RAD51B: variants seen among roughly 807,000 people sequenced by gnomAD.
The protein encoded by RAD51B is DNA repair protein RAD51 homolog 2.
In RAD51B, 38 loss-of-function variants were observed where a neutral mutation model predicts 42.2. The ratio of observed to expected loss-of-function variants is 0.90; its 90% confidence interval spans 0.70 to 1.18. The LOEUF (loss-of-function observed/expected upper bound fraction) is 1.18, where lower values mean the gene tolerates loss of function less well. Ranked by LOEUF, RAD51B falls within the 50% of genes most tolerant of loss-of-function variation. The pLI is 0.00. For missense variants in RAD51B, 373 were observed against 400.7 expected (o/e 0.93, Z 0.59); for synonymous variants, 154 against 145.2 (o/e 1.06, Z -0.43).
chr14:68,159,118 A>G (rs1595487860), intron 7 of RAD51B, among the ~76,000 whole-genome samples: 2 of 152,062 alleles, frequency 1.3e-5, no homozygotes, highest in East Asian at 1.9e-4. Context: ...GTAGCCCTTT[A>G]TGAGAATAGG....
chr14:68,297,848 G>A lies in RAD51B; in HGVS notation c.853+5868G>A, dbSNP rs114146007. 2.7e-3 allele frequency among the ~76,000 whole-genome samples: 409 copies of A among 152,296 alleles called. 2 individuals carry two copies. The highest frequency in any genetic ancestry group is 9.4e-3 in the African/African-American group (390 of 41,566). ...CACACAGTGAGAGCTGGTGTGCTGG[G>A]AACAGAAGTCAGAGCCCCTCCCGTG... is the stretch of plus-strand genomic sequence containing the variant. On this transcript the variant is annotated intron_variant, in intron 8 of 10. Transcript: ENST00000471583.
At chr14:68,388,010 TC>T (rs2083639044) in intron 8 of RAD51B, among the ~76,000 whole-genome samples, 1 of 151,838 alleles carries the variant, frequency 6.6e-6, no homozygotes, top group South Asian at 2.1e-4. Flanking sequence ...TCTATTTTTT[TC>T]ATGTGCCTAC....
At chr14:68,156,995 G>A (rs1414160727) in intron 7 of RAD51B, among the ~76,000 whole-genome samples, 3 of 152,046 alleles carry the variant, frequency 2.0e-5, no homozygotes, top group Non-Finnish European at 4.4e-5. Context: ...TCAGGAGTTC[G>A]AGACCAGCCT....
chr14:67,866,297 C>T (rs2042334939), intron 5 of RAD51B, among the ~76,000 whole-genome samples: 1 of 152,162 alleles, frequency 6.6e-6, no homozygotes, highest in Admixed American at 6.5e-5. Context: ...AACATTGAGA[C>T]TACTGGAAAT....
intron 7 of RAD51B, among the ~76,000 whole-genome samples, chr14:68,192,956 A>G (rs573179271): frequency 5.1e-4 from 77 of 152,336 alleles, no homozygotes; most frequent in African/African-American, 1.7e-3. Flanking sequence ...CTAAATTGCA[A>G]TGTAACACAA....
intron 7 of RAD51B, among the ~76,000 whole-genome samples, chr14:68,226,415 C>T (rs2140973693): frequency 6.6e-6 from 1 of 152,322 alleles, no homozygotes; most frequent in South Asian, 2.1e-4. Context: ...ACCCAAATCT[C>T]ACCTTGAATT....
At chr14:68,360,876 C>T (rs1229668300) in intron 8 of RAD51B, among the ~76,000 whole-genome samples, 1 of 152,190 alleles carries the variant, frequency 6.6e-6, no homozygotes, top group Non-Finnish European at 1.5e-5. Flanking sequence ...AGGGTCTGAT[C>T]TAATGATGAC....
intron 9 of RAD51B, among the ~76,000 whole-genome samples, chr14:68,434,040 G>A (rs752656497): frequency 5.3e-5 from 8 of 152,218 alleles, no homozygotes; most frequent in East Asian, 1.9e-4. Flanking sequence ...TATCTGCAGC[G>A]GAGGCTGCAG....
At chr14:68,256,859 T>A (rs1171139593) in intron 7 of RAD51B, among the ~76,000 whole-genome samples, 1 of 152,276 alleles carries the variant, frequency 6.6e-6, no homozygotes, top group East Asian at 1.9e-4. Flanking sequence ...GTCATAAACA[T>A]AAAATCTGGA....
At chr14:68,470,217 G>T (rs1427493046) in intron 10 of RAD51B, among the ~76,000 whole-genome samples, 4 of 152,160 alleles carry the variant, frequency 2.6e-5, no homozygotes, top group African/African-American at 9.7e-5. Context: ...GCTTGGTTAG[G>T]AGACCTCAGA....
chr14:68,612,052 A>G (rs1213758817), downstream of RAD51B, among the ~76,000 whole-genome samples: 1 of 152,094 alleles, frequency 6.6e-6, no homozygotes, highest in Non-Finnish European at 1.5e-5. Flanking sequence ...TGCTGCTAAT[A>G]GCCAAAATGG....
chr14:68,648,049 AGATG>A (rs1237911221), intron 10 of RAD51B, among the ~76,000 whole-genome samples: 3 of 132,934 alleles, frequency 2.3e-5, no homozygotes, highest in Non-Finnish European at 3.2e-5. Context: ...ACACGTATAT[AGATG>A]TGTGTGTGTA....
intron 10 of RAD51B, among the ~76,000 whole-genome samples, chr14:68,518,562 C>CG (rs1045480345): frequency 3.3e-5 from 5 of 150,644 alleles, no homozygotes; most frequent in Admixed American, 1.3e-4. Context: ...GAGCCCCCCC[C>CG]CCAGGCCTCC....
intron 10 of RAD51B, among the ~76,000 whole-genome samples, chr14:68,592,132 C>G (rs771229749): frequency 2.6e-5 from 4 of 152,230 alleles, no homozygotes; most frequent in South Asian, 2.1e-4. Context: ...TTGATGCTTT[C>G]CATGAATGAA....
intron 7 of RAD51B, among the ~76,000 whole-genome samples, chr14:68,154,796 G>A (rs971985151): frequency 6.6e-6 from 1 of 151,952 alleles, no homozygotes; most frequent in Admixed American, 6.6e-5. Flanking sequence ...GTTGTTTTAG[G>A]TGGTAGGGTA....
intron 7 of RAD51B, among the ~76,000 whole-genome samples, chr14:67,948,931 CAAA>C (rs59465805): frequency 2.9e-4 from 5 of 17,068 alleles, no homozygotes; most frequent in Non-Finnish European, 6.0e-4. Context: ...GACTCTGTCT[CAAA>C]AAAAAAAAAA....
In RAD51B at chr14:68,040,390, A is replaced by G. The variant is rs369096526; in HGVS notation, c.756+153186A>G. Reference sequence around the variant, plus strand: ...TATTTACTTTGTAATTTTTTAAATTAACTTTTTCTTTTAAACTTAGCTTTA... The same window carrying G: ...TATTTACTTTGTAATTTTTTAAATTGACTTTTTCTTTTAAACTTAGCTTTA... On this transcript the variant is annotated intron_variant, in intron 7 of 10. Transcript: ENST00000471583. Among the ~76,000 whole-genome samples the G allele has an allele frequency of 1.3e-4, 20 of 152,358 alleles. No homozygotes were observed. In the South Asian group the frequency reaches 3.9e-3, roughly 30 times the overall value.
intron 7 of RAD51B, among the ~76,000 whole-genome samples, chr14:68,212,127 G>A (rs566174094): frequency 3.4e-4 from 51 of 152,194 alleles, no homozygotes; most frequent in Non-Finnish European, 2.1e-4. Context: ...ATACTGACAA[G>A]GTCAAATTTC....
At chr14:68,400,165 A>T (rs1373973043) in intron 8 of RAD51B, among the ~76,000 whole-genome samples, 2 of 152,170 alleles carry the variant, frequency 1.3e-5, no homozygotes, top group East Asian at 3.8e-4. Flanking sequence ...TCCTGAAGGC[A>T]AACCACATGA....
Sources: gnomAD v4.1 joint callset for allele counts (sites outside exome capture counted in the v4.1 genomes callset) on GRCh38, gnomAD v4.1.1 for gene constraint, MANE v1.5 for transcripts, NCBI Gene and HGNC (gene_info 2026-07-23, HGNC 2026-07-21) for gene names.